TXNRD2: variants seen among roughly 807,000 people sequenced by gnomAD.
The protein encoded by TXNRD2 is thioredoxin reductase 2, mitochondrial.
In TXNRD2, 67 loss-of-function variants were observed where a neutral mutation model predicts 70.8. The ratio of observed to expected loss-of-function variants is 0.95; its 90% confidence interval spans 0.78 to 1.16. The LOEUF is 1.16. Ranked by LOEUF, TXNRD2 falls within the 50% of genes most tolerant of loss-of-function variation. The probability of loss-of-function intolerance (pLI) is 0.00; values close to 1 mark genes in which losing one functional copy is unlikely to be tolerated. For synonymous variants in TXNRD2, 301 were observed against 295.8 expected (o/e 1.02, Z -0.18); for missense variants, 644 against 719.9 (o/e 0.89, Z 1.21).
At chr22:19,904,441 T>C (rs1215826014) in intron 8 of TXNRD2, among the ~76,000 whole-genome samples, 1 of 152,204 alleles carries the variant, frequency 6.6e-6, no homozygotes, top group African/African-American at 2.4e-5. Context: ...AAGACCTGGA[T>C]GCAAACAAAG....
In TXNRD2 at chr22:19,883,458, C is replaced by T. The variant is rs374150729; in HGVS notation, c.953G>A (p.Arg318Gln). Residue 318 changes from arginine (R) to glutamine (Q), a missense_variant, in exon 12 of 18, where the codon CGA becomes CAA. By Grantham distance (43) the Arg-to-Gln change is conservative. This residue lies in a region of TXNRD2 where 566 missense variants were observed against 645.0 expected (regional missense o/e 0.88). Transcript: ENST00000400521. ...TFDTVLWAIG[R>Q]VPDTRSLNLE... ...ATTCAGACTTCTGGTGTCTGGGACT[C>T]GACCTGAAGGAAACAGAGAGGGGGC... 8.1e-6 allele frequency: 13 copies of T among 1,613,912 alleles called. No homozygotes were observed. The highest frequency in any genetic ancestry group is 4.5e-5 in the East Asian group (2 of 44,906).
At chr22:19,896,744 C>T (rs905816569) in intron 10 of TXNRD2, among the ~76,000 whole-genome samples, 1 of 152,256 alleles carries the variant, frequency 6.6e-6, no homozygotes, top group African/African-American at 2.4e-5. Flanking sequence ...AAAACAGTCA[C>T]TGCTAACATC....
At chr22:19,938,745 C>T (rs1941609801) in intron 1 of TXNRD2, among the ~76,000 whole-genome samples, 1 of 152,116 alleles carries the variant, frequency 6.6e-6, no homozygotes. Flanking sequence ...TTTTACAGTG[C>T]TCCCAGTCAA....
At chr22:19,910,862 G>T (rs894374896) in intron 8 of TXNRD2, 2 of 241,816 alleles carry the variant, frequency 8.3e-6, no homozygotes, top group Non-Finnish European at 1.6e-5. Flanking sequence ...ATCACCTGAG[G>T]TCAGGAGTTC....
intron 7 of TXNRD2, among the ~76,000 whole-genome samples, chr22:19,912,479 G>T (rs2146028424): frequency 6.6e-6 from 1 of 152,322 alleles, no homozygotes; most frequent in Non-Finnish European, 1.5e-5. Flanking sequence ...AGCAGGGCCG[G>T]GCCAGGCCAG....
At chr22:19,898,165 C>T (rs1474234864) in intron 9 of TXNRD2, 35 bp from the exon 10 acceptor site, 1 of 1,541,610 alleles carries the variant, frequency 6.5e-7, no homozygotes, top group Non-Finnish European at 8.8e-7. Flanking sequence ...CTGTAGATCC[C>T]AATTTTGGAA....
intron 8 of TXNRD2, among the ~76,000 whole-genome samples, chr22:19,907,194 A>G (rs1940078189): frequency 1.3e-5 from 1 of 76,588 alleles, no homozygotes; most frequent in East Asian, 3.5e-4. Flanking sequence ...AGTAGCAGTG[A>G]CCGCTCTCAG....
chr22:19,940,028 G>C (rs761841595), intron 1 of TXNRD2, among the ~76,000 whole-genome samples: 1 of 152,084 alleles, frequency 6.6e-6, no homozygotes, highest in Admixed American at 6.5e-5. Context: ...TGGATCATGA[G>C]GTCAGGAGAT....
chr22:19,933,978 C>A (rs946885300), intron 1 of TXNRD2, among the ~76,000 whole-genome samples: 2 of 152,144 alleles, frequency 1.3e-5, no homozygotes, highest in Admixed American at 1.3e-4. Flanking sequence ...TACAGGCCAG[C>A]AAAGAGCAGG....
chr22:19,919,027 T>C (rs755227653), intron 3 of TXNRD2, 23 bp from the exon 4 acceptor site: 2 of 1,603,454 alleles, frequency 1.2e-6, no homozygotes, highest in South Asian at 2.2e-5. Context: ...AAGAGCACAT[T>C]TGAATTTATG....
intron 2 of TXNRD2, among the ~76,000 whole-genome samples, chr22:19,922,873 G>C (rs1321641732): frequency 4.6e-5 from 7 of 151,770 alleles, no homozygotes; most frequent in African/African-American, 1.7e-4. Flanking sequence ...ATTTTTAGTA[G>C]AGATGGGGTT....
intron 14 of TXNRD2, among the ~76,000 whole-genome samples, chr22:19,879,793 G>A (rs1408435870): frequency 6.6e-6 from 1 of 152,156 alleles, no homozygotes; most frequent in Non-Finnish European, 1.5e-5. Flanking sequence ...GCTGACCTCA[G>A]CAGGGGAGCG....
At chr22:19,937,735 C>T (rs559611108) in intron 1 of TXNRD2, among the ~76,000 whole-genome samples, 12 of 152,300 alleles carry the variant, frequency 7.9e-5, no homozygotes, top group South Asian at 4.1e-4. Flanking sequence ...GCGGCCAAGC[C>T]GGCTCAACAA....
At chr22:19,876,688 C>A (rs567177920) in intron 17 of TXNRD2, 1 of 158,142 alleles carries the variant, frequency 6.3e-6, no homozygotes, top group African/African-American at 2.4e-5. Context: ...CGACTGCAGC[C>A]CCCTGTGGGG....
chr22:19,915,422 A>T (rs576510572), intron 6 of TXNRD2, 146 bp from the exon 7 acceptor site: 1 of 832,050 alleles, frequency 1.2e-6, no homozygotes, highest in East Asian at 2.7e-5. Flanking sequence ...CAGAGGCCCT[A>T]TGGAGCTGGA....
chr22:19,896,611 T>C (rs1939517833), intron 10 of TXNRD2, among the ~76,000 whole-genome samples: 4 of 152,164 alleles, frequency 2.6e-5, no homozygotes. Flanking sequence ...TGCTTCTCCC[T>C]CCCGGCCCAG....
intron 1 of TXNRD2, among the ~76,000 whole-genome samples, chr22:19,931,825 C>T (rs984708163): frequency 1.3e-5 from 2 of 152,006 alleles, no homozygotes; most frequent in Non-Finnish European, 2.9e-5. Flanking sequence ...AGTCCACGTG[C>T]CTTTCAGTTG....
At chr22:19,925,101 G>A (rs5748474) in intron 2 of TXNRD2, among the ~76,000 whole-genome samples, 66,142 of 151,330 alleles carry the variant, frequency 0.44, 15,259 homozygotes, top group East Asian at 0.6. Context: ...TGGCTAACAC[G>A]GCGAAGCCCC....
chr22:19,922,152 T>G lies in TXNRD2; in HGVS notation c.173-2553A>C, dbSNP rs529014366. 5.3e-5 allele frequency among the ~76,000 whole-genome samples: 8 copies of G among 151,862 alleles called. No individual in the cohort carries two copies. In the South Asian group the frequency reaches 1.7e-3, roughly 32 times the overall value. ...ACAAAGAAGCAGGAAAATACACCTA[T>G]AAAGGGGACAAAAAAAAATCAGTCA... is the stretch of plus-strand genomic sequence containing the variant. On this transcript the variant is annotated intron_variant, in intron 2 of 17. Transcript: ENST00000400521.
Sources: gnomAD v4.1 joint callset for allele counts (sites outside exome capture counted in the v4.1 genomes callset) on GRCh38, gnomAD v4.1.1 for gene constraint, gnomAD v4.1.1 regional missense constraint, MANE v1.5 for transcripts, NCBI Gene and HGNC (gene_info 2026-07-23, HGNC 2026-07-21) for gene names.